Variants in NKAIN1 observed in about 807,000 individuals in gnomAD.
NKAIN1 encodes sodium/potassium transporting ATPase interacting 1.
Under a neutral mutation model 31.6 loss-of-function variants are expected in NKAIN1, and 13 were observed. The ratio of observed to expected loss-of-function variants is 0.41; its 90% confidence interval spans 0.27 to 0.65. The LOEUF is 0.65. Among genes scored for constraint, NKAIN1 ranks in the 30% least tolerant of loss-of-function variants. The pLI is 0.30. For missense variants in NKAIN1, 193 were observed against 262.2 expected (o/e 0.74, Z 1.82); for synonymous variants, 104 against 109.0 (o/e 0.95, Z 0.28).
At chr1:31,203,201 G>T (rs1011941022) in intron 1 of NKAIN1, among the ~76,000 whole-genome samples, 1 of 151,992 alleles carries the variant, frequency 6.6e-6, no homozygotes, top group Non-Finnish European at 1.5e-5. Flanking sequence ...GGAGGCAGAG[G>T]TTGCAGTAAG....
At chr1:31,201,382 G>A (rs1241480502) in intron 1 of NKAIN1, among the ~76,000 whole-genome samples, 3 of 133,992 alleles carry the variant, frequency 2.2e-5, no homozygotes, top group South Asian at 2.3e-4. Flanking sequence ...TTTTTGAGAC[G>A]GAGTCTCTCT....
chr1:31,196,038 C>T (rs901267082), intron 1 of NKAIN1, among the ~76,000 whole-genome samples: 3 of 152,132 alleles, frequency 2.0e-5, no homozygotes, highest in African/African-American at 7.2e-5. Flanking sequence ...TGCTTGGCCA[C>T]TGAAACAGTT....
rs775770203 is a variant in NKAIN1, at chr1:31,184,028, G to A, written c.274-14C>T. The A allele has an allele frequency of 1.4e-5, 22 of 1,611,674 alleles. 1 individual carries two copies. The East Asian group carries it at 3.6e-4, about 26-fold the overall frequency. ...GAAGTCCCGGTCCTGGGGGCAAAGG[G>A]GCCTGGGATACTGAGTGTGAGGGAG... is the stretch of plus-strand genomic sequence containing the variant. On this transcript the variant is annotated splice_polypyrimidine_tract_variant and intron_variant, in intron 3 of 6. Transcript: ENST00000373736.
intron 1 of NKAIN1, among the ~76,000 whole-genome samples, chr1:31,207,168 G>T (rs575886707): frequency 6.6e-6 from 1 of 152,270 alleles, no homozygotes; most frequent in South Asian, 2.1e-4. Context: ...CACCACAGAG[G>T]TTAAAAGTAT....
intron 1 of NKAIN1, among the ~76,000 whole-genome samples, chr1:31,198,560 A>C (rs1645348872): frequency 1.3e-5 from 1 of 79,546 alleles, no homozygotes; most frequent in Non-Finnish European, 3.4e-5. Flanking sequence ...GGATCTTCCA[A>C]ATCTCTCATA....
chr1:31,235,442 T>C (rs1207940063), intron 1 of NKAIN1, among the ~76,000 whole-genome samples: 1 of 152,152 alleles, frequency 6.6e-6, no homozygotes, highest in African/African-American at 2.4e-5. Flanking sequence ...AAGCCAGGTG[T>C]GGTGACATGC....
intron 1 of NKAIN1, among the ~76,000 whole-genome samples, chr1:31,235,227 T>C (rs1160569645): frequency 6.6e-6 from 1 of 151,896 alleles, no homozygotes; most frequent in Non-Finnish European, 1.5e-5. Context: ...AAGAACAGAG[T>C]GGCCTGTAAG....
intron 1 of NKAIN1, among the ~76,000 whole-genome samples, chr1:31,232,990 G>A (rs896759167): frequency 6.6e-6 from 1 of 152,030 alleles, no homozygotes; most frequent in Non-Finnish European, 1.5e-5. Flanking sequence ...TTATTCCCTG[G>A]TTTTCTCAAT....
chr1:31,234,212 C>T (rs887334287), intron 1 of NKAIN1, among the ~76,000 whole-genome samples: 11 of 152,228 alleles, frequency 7.2e-5, no homozygotes, highest in Non-Finnish European at 1.5e-4. Context: ...CAGTGGCCTG[C>T]ATAATTTCAC....
At chr1:31,212,030 T>C (rs1645474009) in intron 1 of NKAIN1, among the ~76,000 whole-genome samples, 1 of 152,022 alleles carries the variant, frequency 6.6e-6, no homozygotes, top group Non-Finnish European at 1.5e-5. Flanking sequence ...GTTTGAGGAC[T>C]CATACTTCCT....
intron 1 of NKAIN1, among the ~76,000 whole-genome samples, chr1:31,230,079 TGAA>T (rs1226796448): frequency 1.3e-5 from 2 of 152,210 alleles, no homozygotes; most frequent in East Asian, 1.9e-4. Flanking sequence ...ACCACACAGA[TGAA>T]GAAGAACTGC....
At chr1:31,215,080 G>GA (rs11338286) in intron 1 of NKAIN1, among the ~76,000 whole-genome samples, 1 of 151,962 alleles carries the variant, frequency 6.6e-6, no homozygotes, top group East Asian at 1.9e-4. Context: ...CGTGGGAGGA[G>GA]AAAAAAATCC....
intron 5 of NKAIN1, 21 bp from the exon 6 acceptor site, chr1:31,181,962 A>G (rs1279032094): frequency 1.3e-6 from 2 of 1,596,290 alleles, no homozygotes; most frequent in Non-Finnish European, 1.7e-6. Context: ...GGGGCGGCGC[A>G]TGTTAGGGAT....
In NKAIN1 at chr1:31,181,162, GATTA is replaced by G. The variant is rs1311459733; in HGVS notation, c.*537_*540del. ...GTCTAAAAGAGTCCATTTGCTAAGG[GATTA>G]ATTACTTGAGGTGCGGAAACCGAGG... On this transcript the variant is annotated 3_prime_UTR_variant, in exon 7 of 7. Transcript: ENST00000373736. The G allele has an allele frequency of 6.5e-6, 1 of 153,430 alleles. No individual in the cohort carries two copies. Among genetic ancestry groups the G allele is most frequent in the African/African-American group, 2.4e-5 (1 of 41,502 alleles). 9.5% of individuals were successfully genotyped at this position (153,430 alleles called of 1,614,324 possible).
intron 4 of NKAIN1, among the ~76,000 whole-genome samples, chr1:31,183,436 CTTTTTTTTTTT>C (rs3046278): frequency 6.0e-4 from 64 of 106,696 alleles, no homozygotes; most frequent in East Asian, 1.3e-3. Flanking sequence ...TTCATTCCCT[CTTTTTTTTTTT>C]TTTTTTTTTT....
At chr1:31,222,649 C>G (rs1009523372) in intron 1 of NKAIN1, among the ~76,000 whole-genome samples, 3 of 152,288 alleles carry the variant, frequency 2.0e-5, no homozygotes, top group Non-Finnish European at 4.4e-5. Context: ...CATTAAACAG[C>G]TTTTCAAGGC....
rs1257469051 is a variant in NKAIN1 at position 31,196,470 on chromosome 1, G to A, written c.55-8283C>T. Among the ~76,000 whole-genome samples, 204 of 140,598 alleles carry A rather than the reference G, an allele frequency of 1.5e-3. 2 individuals carry two copies. Among genetic ancestry groups the A allele is most frequent in the African/African-American group, 5.2e-3 (196 of 37,742 alleles). The allele number at this position is 140,598 out of a possible 152,430, so 92.2% of individuals were successfully genotyped here. A position where few individuals can be genotyped will look rare whatever the true frequency, so the allele number is the denominator to read the frequency against. On this transcript the variant is annotated intron_variant, in intron 1 of 6. Transcript: ENST00000373736. ...GGAGCCTGCAGTGAGCTGAGATCGT[G>A]CCACTGCACTCCAGCCTGGGCAACA...
At chr1:31,207,637 G>A (rs1645434955) in intron 1 of NKAIN1, among the ~76,000 whole-genome samples, 1 of 152,076 alleles carries the variant, frequency 6.6e-6, no homozygotes, top group South Asian at 2.1e-4. Context: ...GCATTCATGG[G>A]CACTGACCCT....
intron 1 of NKAIN1, among the ~76,000 whole-genome samples, chr1:31,220,618 G>T (rs1234886332): frequency 6.6e-6 from 1 of 151,996 alleles, no homozygotes; most frequent in Non-Finnish European, 1.5e-5. Flanking sequence ...AGCCAGGTGT[G>T]GTGGCATGCA....
Sources: allele counts gnomAD v4.1 joint callset (sites outside exome capture counted in the v4.1 genomes callset), GRCh38; gene constraint gnomAD v4.1.1; transcripts MANE v1.5; gene names NCBI Gene and HGNC (gene_info 2026-07-23, HGNC 2026-07-21).